COG5: variants seen among roughly 807,000 people sequenced by gnomAD.
COG5 encodes the protein conserved oligomeric Golgi complex subunit 5.
In COG5, 86 loss-of-function variants were observed where a neutral mutation model predicts 110.4. The ratio of observed to expected loss-of-function variants is 0.78; its 90% CI spans 0.65 to 0.93. The LOEUF (loss-of-function observed/expected upper bound fraction) is 0.93, where lower values mean the gene tolerates loss of function less well. Ranked by LOEUF, COG5 falls within the 40% of genes least tolerant of loss-of-function variation. The pLI, the probability that COG5 is intolerant of heterozygous loss-of-function variation, is 0.00. For synonymous variants in COG5, 360 were observed against 334.6 expected, an observed-to-expected ratio of 1.08 and a Z score of -0.83; for missense variants, 1,077 against 987.0, an observed-to-expected ratio of 1.09 and a Z score of -1.22.
At chr7:107,473,799 T>G (rs1221283236) in intron 6 of COG5, among the ~76,000 whole-genome samples, 1 of 151,966 alleles carries the variant, frequency 6.6e-6, no homozygotes, top group African/African-American at 2.4e-5. Context: ...CATATTAACT[T>G]TGCACTACAG....
intron 6 of COG5, among the ~76,000 whole-genome samples, chr7:107,488,550 C>T (rs1797788935): frequency 6.6e-6 from 1 of 151,882 alleles, no homozygotes; most frequent in Admixed American, 6.6e-5. Flanking sequence ...TGGTTTAAGC[C>T]AAAAGAATAA....
chr7:107,493,965 A>G (rs1798118975), intron 6 of COG5, among the ~76,000 whole-genome samples: 1 of 152,212 alleles, frequency 6.6e-6, no homozygotes, highest in South Asian at 2.1e-4. Flanking sequence ...TTGAGTATTA[A>G]AAATTTCCAC....
intron 6 of COG5, among the ~76,000 whole-genome samples, chr7:107,458,322 C>T (rs905052672): frequency 5.9e-5 from 9 of 151,950 alleles, no homozygotes; most frequent in Admixed American, 4.6e-4. Flanking sequence ...TGTAAATATG[C>T]GGATAAACAT....
chr7:107,303,619 G>C (rs1269236862), intron 11 of COG5, among the ~76,000 whole-genome samples: 1 of 151,710 alleles, frequency 6.6e-6, no homozygotes, highest in African/African-American at 2.4e-5. Flanking sequence ...TTTTTGTAGA[G>C]ATGAGGTCTC....
chr7:107,460,280 G>A (rs138802292), intron 6 of COG5, among the ~76,000 whole-genome samples: 247 of 152,116 alleles, frequency 1.6e-3, no homozygotes, highest in Non-Finnish European at 2.9e-3. Flanking sequence ...GCACATGTCT[G>A]TAGTGCCACC....
chr7:107,476,780 C>T (rs747036079), intron 6 of COG5, among the ~76,000 whole-genome samples: 19 of 151,546 alleles, frequency 1.3e-4, no homozygotes, highest in South Asian at 4.2e-4. Context: ...AACCAAGTAG[C>T]AATTCATTTT....
intron 10 of COG5, among the ~76,000 whole-genome samples, chr7:107,357,939 G>C (rs1245249170): frequency 6.6e-6 from 1 of 152,136 alleles, no homozygotes; most frequent in African/African-American, 2.4e-5. Flanking sequence ...AAATTATTGG[G>C]ATTACAGGTA....
intron 6 of COG5, among the ~76,000 whole-genome samples, chr7:107,465,253 T>TGAACTCCCATAAACTCCCAA (rs1411117691): frequency 6.6e-6 from 1 of 152,198 alleles, no homozygotes; most frequent in Admixed American, 6.5e-5. Context: ...CCAAGACTAA[T>TGAACTCCCATAAACTCCCAA]ATATGAATTT....
At chr7:107,395,539 ATCT>A (rs1354977596) in intron 7 of COG5, among the ~76,000 whole-genome samples, 37 of 120,202 alleles carry the variant, frequency 3.1e-4, no homozygotes, top group Admixed American at 4.3e-4. Context: ...CATGAAGCAG[ATCT>A]TTTTTTTTTT....
At chr7:107,501,627 TTAAATA>T (rs1048620182) in intron 6 of COG5, among the ~76,000 whole-genome samples, 1 of 152,196 alleles carries the variant, frequency 6.6e-6, no homozygotes, top group African/African-American at 2.4e-5. Flanking sequence ...GTATTACCTG[TTAAATA>T]TAAATTTTAG....
At chr7:107,310,633 C>G (rs763420) in intron 11 of COG5, among the ~76,000 whole-genome samples, 3 of 152,138 alleles carry the variant, frequency 2.0e-5, no homozygotes, top group African/African-American at 7.2e-5. Context: ...GAGGACAGTT[C>G]TTAAAAACTA....
chr7:107,488,456 A>C (rs1191945797), intron 6 of COG5, among the ~76,000 whole-genome samples: 1 of 152,132 alleles, frequency 6.6e-6, no homozygotes, highest in Non-Finnish European at 1.5e-5. Context: ...TTTATTTATG[A>C]GCATACTATA....
intron 14 of COG5, among the ~76,000 whole-genome samples, chr7:107,262,808 G>A (rs1403101643): frequency 6.6e-6 from 1 of 152,094 alleles, no homozygotes; most frequent in Non-Finnish European, 1.5e-5. Context: ...CAGAATGTCT[G>A]CCGTCCCTAC....
At chr7:107,404,023 A>G (rs1791631166) in intron 7 of COG5, among the ~76,000 whole-genome samples, 1 of 152,184 alleles carries the variant, frequency 6.6e-6, no homozygotes, top group Non-Finnish European at 1.5e-5. Flanking sequence ...TTTTTAACAA[A>G]AGATCTCATT....
At chr7:107,233,397 G>A (rs1191240236) in intron 18 of COG5, among the ~76,000 whole-genome samples, 1 of 152,168 alleles carries the variant, frequency 6.6e-6, no homozygotes, top group African/African-American at 2.4e-5. Flanking sequence ...CCCATGACCT[G>A]GATTCCTAAG....
chr7:107,256,708 G>C lies in COG5; in HGVS notation c.1749+24C>G, dbSNP rs759421944. 13 of 1,539,188 alleles carry C rather than the reference G, an allele frequency of 8.4e-6. No individual in the cohort carries two copies. The South Asian group carries it at 9.0e-5, about 11-fold the overall frequency. On this transcript the variant is annotated intron_variant, in intron 16 of 21. Transcript: ENST00000297135. ...AATCCTAAAACCACTTTGATCTATA[G>C]AGTCAAAGATTAAATTCTTTTACCT... is the stretch of plus-strand genomic sequence containing the variant.
intron 10 of COG5, among the ~76,000 whole-genome samples, chr7:107,345,206 C>G (rs968218309): frequency 6.6e-6 from 1 of 152,096 alleles, no homozygotes; most frequent in African/African-American, 2.4e-5. Flanking sequence ...TGGGGGCGTT[C>G]ATGGTGCCCC....
At chr7:107,490,144 G>T (rs984531227) in intron 6 of COG5, among the ~76,000 whole-genome samples, 2 of 152,120 alleles carry the variant, frequency 1.3e-5, no homozygotes, top group Non-Finnish European at 2.9e-5. Context: ...AAATTTCAGA[G>T]ACTTGATTTT....
At chr7:107,355,793 G>A (rs2129043631) in intron 10 of COG5, among the ~76,000 whole-genome samples, 1 of 152,354 alleles carries the variant, frequency 6.6e-6, no homozygotes. Flanking sequence ...GAATGAATAG[G>A]TAGAAAGGAA....
Sources: allele counts gnomAD v4.1 joint callset (sites outside exome capture counted in the v4.1 genomes callset), GRCh38; gene constraint gnomAD v4.1.1; transcripts MANE v1.5; gene names NCBI Gene and HGNC (gene_info 2026-07-23, HGNC 2026-07-21).